DPP6: variants seen among roughly 807,000 people sequenced by gnomAD.
The protein encoded by DPP6 is A-type potassium channel modulatory protein DPP6.
DPP6 carries 69 observed loss-of-function variants against 122.6 expected under a neutral mutation model. The observed-to-expected ratio is 0.56, with a 90% CI of 0.46 to 0.69. The LOEUF (loss-of-function observed/expected upper bound fraction) is 0.69. DPP6 is among the 30% of genes least tolerant of loss of function. The probability of loss-of-function intolerance (pLI) is 0.00; values close to 1 mark genes in which losing one functional copy is unlikely to be tolerated. For synonymous variants in DPP6, 418 were observed against 433.1 expected, an observed-to-expected ratio of 0.97 and a Z score of 0.43; for missense variants, 928 against 1,116.9, an observed-to-expected ratio of 0.83 and a Z score of 2.41.
At chr7:154,412,945 C>G (rs1173694235) in intron 1 of DPP6, among the ~76,000 whole-genome samples, 2 of 152,240 alleles carry the variant, frequency 1.3e-5, no homozygotes, top group African/African-American at 4.8e-5. Flanking sequence ...AAACACCTTT[C>G]TTAGGGAAAT....
chr7:154,622,554 G>A (rs1184209187), intron 5 of DPP6, among the ~76,000 whole-genome samples: 1 of 152,186 alleles, frequency 6.6e-6, no homozygotes, highest in Non-Finnish European at 1.5e-5. Flanking sequence ...CTTCCAGAAA[G>A]AGGTAGCCAA....
the DPP6 span, among the ~76,000 whole-genome samples, chr7:153,774,363 T>A: frequency 2.6e-5 from 4 of 152,182 alleles, no homozygotes; most frequent in African/African-American, 4.8e-5. Flanking sequence ...GGCTAAAATG[T>A]CTGTGTGCAA....
At chr7:154,190,874 C>G (rs926037459) in intron 1 of DPP6, among the ~76,000 whole-genome samples, 2 of 152,146 alleles carry the variant, frequency 1.3e-5, no homozygotes, top group Admixed American at 6.5e-5. Context: ...TAGAAGCTTG[C>G]TTTGCCATGT....
intron 1 of DPP6, among the ~76,000 whole-genome samples, chr7:154,053,697 C>A (rs1427690691): frequency 6.6e-6 from 1 of 152,318 alleles, no homozygotes; most frequent in African/African-American, 2.4e-5. Context: ...GGGCCCAGCT[C>A]TTTTGCTGAG....
chr7:153,854,449 A>C, the DPP6 span, among the ~76,000 whole-genome samples: 1 of 150,782 alleles, frequency 6.6e-6, no homozygotes, highest in African/African-American at 2.4e-5. Flanking sequence ...ACACTTCTCA[A>C]AAGAAGACAT....
At chr7:154,343,945 A>AT (rs1810162018) in intron 1 of DPP6, among the ~76,000 whole-genome samples, 1 of 152,124 alleles carries the variant, frequency 6.6e-6, no homozygotes, top group African/African-American at 2.4e-5. Flanking sequence ...CGAAATCCTG[A>AT]CCTCAAGTGA....
At chr7:153,798,188 C>T in the DPP6 span, among the ~76,000 whole-genome samples, 70 of 152,252 alleles carry the variant, frequency 4.6e-4, no homozygotes, top group South Asian at 5.2e-3. Context: ...GGGAGCCTCA[C>T]CTTCATGACC....
At chr7:153,921,009 G>T (rs931365961) in intron 1 of DPP6, among the ~76,000 whole-genome samples, 7 of 152,268 alleles carry the variant, frequency 4.6e-5, no homozygotes, top group African/African-American at 1.7e-4. Context: ...TCTGTGGGAG[G>T]TTGTATTTAT....
At chr7:154,145,389 A>G (rs1796038568) in intron 1 of DPP6, among the ~76,000 whole-genome samples, 1 of 152,204 alleles carries the variant, frequency 6.6e-6, no homozygotes, top group Admixed American at 6.5e-5. Context: ...CCTGAGTTCT[A>G]ACAGCCACTG....
In DPP6 at chr7:154,679,965, C is replaced by T. The variant is rs371324466; in HGVS notation, c.762+10524C>T. On this transcript the variant is annotated intron_variant, in intron 7 of 25. Coordinates refer to ENST00000377770, the MANE Select transcript of DPP6 (RefSeq NM_130797.4). ...TAAATCACTTTAATATTCACTTGCA[C>T]TCAAGTAAATAAGCTGAGTTTTTGG... Among the ~76,000 whole-genome samples, 7 of 152,128 alleles carry T rather than the reference C, an allele frequency of 4.6e-5. No homozygotes were observed. The East Asian group carries it at 1.2e-3, about 25-fold the overall frequency.
At chr7:154,034,511 TCTC>T (rs1319210964) in intron 1 of DPP6, among the ~76,000 whole-genome samples, 2 of 152,138 alleles carry the variant, frequency 1.3e-5, no homozygotes, top group Non-Finnish European at 2.9e-5. Context: ...GGGTCTCCCT[TCTC>T]CTGTCTTTTC....
the DPP6 span, among the ~76,000 whole-genome samples, chr7:153,869,992 G>A: frequency 2.4e-3 from 370 of 152,306 alleles, no homozygotes; most frequent in Non-Finnish European, 3.6e-3. Flanking sequence ...ATTCTCTTCT[G>A]GCTTGTAGAG....
chr7:154,246,695 C>T (rs560054741), intron 1 of DPP6, among the ~76,000 whole-genome samples: 30 of 152,238 alleles, frequency 2.0e-4, no homozygotes, highest in Middle Eastern at 3.4e-3. Flanking sequence ...AAATAATCAA[C>T]GGAACTCATT....
chr7:154,390,279 G>A (rs1293340826), intron 1 of DPP6, among the ~76,000 whole-genome samples: 1 of 152,206 alleles, frequency 6.6e-6, no homozygotes, highest in Non-Finnish European at 1.5e-5. Flanking sequence ...ATCAGGGAGG[G>A]CTCTCACTTA....
chr7:154,627,000 C>CTTTTTTTTTTTTTTTTTTT (rs552919287), intron 5 of DPP6, among the ~76,000 whole-genome samples: 1 of 52,092 alleles, frequency 1.9e-5, no homozygotes, highest in Non-Finnish European at 3.4e-5. Flanking sequence ...GAAATTTTTT[C>CTTTTTTTTTTTTTTTTTTT]TTTTTTTTTT....
In DPP6 at chr7:154,794,211, G is replaced by A; in HGVS notation, c.1260+9G>A. On this transcript the variant is annotated intron_variant, in intron 11 of 25. Coordinates refer to ENST00000377770, the MANE Select transcript of DPP6 (RefSeq NM_130797.4). Reference sequence around the variant, plus strand: ...CGGGGGTCTGCACGAAGGTACGCGGGGCTGTGGGGGTGGAGGGGAGACGGG... The same window carrying A: ...CGGGGGTCTGCACGAAGGTACGCGGAGCTGTGGGGGTGGAGGGGAGACGGG... The A allele has an allele frequency of 6.2e-7, 1 of 1,601,130 alleles. No individual in the cohort carries two copies. The highest frequency in any genetic ancestry group is 1.1e-5 in the South Asian group (1 of 89,398).
rs759903047 is a variant in DPP6, at chr7:154,794,199, G to T, written c.1257G>T (p.Thr419=). 3.5e-5 allele frequency: 56 copies of T among 1,607,548 alleles called. No homozygotes were observed. The African/African-American group carries it at 7.4e-4, about 21-fold the overall frequency. ...GCGACGCCACCACGGGGGTCTGCAC[G>T]AAGGTACGCGGGGCTGTGGGGGTGG... ...TLCDATTGVC[T]KKHEDESEAW... The change falls in exon 11 of 26, where the codon ACG becomes ACT. Residue 419 remains threonine, a synonymous_variant. Transcript: ENST00000377770.
intron 1 of DPP6, among the ~76,000 whole-genome samples, chr7:154,249,173 A>T (rs1243079411): frequency 1.3e-5 from 2 of 152,256 alleles, no homozygotes; most frequent in African/African-American, 4.8e-5. Context: ...GGTGTTCATC[A>T]GGAAACTAAT....
At chr7:154,131,615 A>G (rs1563230992) in intron 1 of DPP6, among the ~76,000 whole-genome samples, 1 of 152,298 alleles carries the variant, frequency 6.6e-6, no homozygotes, top group Non-Finnish European at 1.5e-5. Context: ...GATTAGCAGA[A>G]TGTTTGATTA....
Sources: gnomAD v4.1 joint callset for allele counts (sites outside exome capture counted in the v4.1 genomes callset) on GRCh38, gnomAD v4.1.1 for gene constraint, MANE v1.5 for transcripts, NCBI Gene and HGNC (gene_info 2026-07-23, HGNC 2026-07-21) for gene names.